Variants in ANKS1B observed in about 807,000 individuals in gnomAD.
ANKS1B encodes the protein ankyrin repeat and sterile alpha motif domain-containing protein 1B.
In ANKS1B, 36 loss-of-function variants were observed where a neutral mutation model predicts 148.3. The ratio of observed to expected loss-of-function variants is 0.24; its 90% CI spans 0.19 to 0.32. The LOEUF (loss-of-function observed/expected upper bound fraction) is 0.32, where lower values mean the gene tolerates loss of function less well. Ranked by LOEUF, ANKS1B falls within the 10% of genes least tolerant of loss-of-function variation. ANKS1B has a pLI of 1.00. For missense variants in ANKS1B, 1,157 were observed against 1,542.6 expected (o/e 0.75, Z 4.19); for synonymous variants, 542 against 560.8 (o/e 0.97, Z 0.47).
At chr12:99,181,478 T>G (rs1320947514) in intron 14 of ANKS1B, among the ~76,000 whole-genome samples, 1 of 152,172 alleles carries the variant, frequency 6.6e-6, no homozygotes, top group African/African-American at 2.4e-5. Flanking sequence ...ACAAAAGTAT[T>G]TTTCTTTAGT....
At chr12:99,360,357 A>C (rs2092367724) in intron 12 of ANKS1B, among the ~76,000 whole-genome samples, 1 of 152,162 alleles carries the variant, frequency 6.6e-6, no homozygotes, top group Non-Finnish European at 1.5e-5. Flanking sequence ...CTTGTACATA[A>C]AAAGAACCAG....
chr12:99,231,170 G>A (rs1284494004), intron 14 of ANKS1B, among the ~76,000 whole-genome samples: 2 of 152,014 alleles, frequency 1.3e-5, no homozygotes, highest in African/African-American at 4.8e-5. Context: ...ATATGTTCAG[G>A]GCTATGACTC....
At chr12:99,302,066 C>T (rs535647208) in intron 12 of ANKS1B, among the ~76,000 whole-genome samples, 6 of 152,248 alleles carry the variant, frequency 3.9e-5, no homozygotes, top group Non-Finnish European at 7.4e-5. Flanking sequence ...CAGTTCTTAA[C>T]TTGGCCTGTC....
intron 14 of ANKS1B, among the ~76,000 whole-genome samples, chr12:99,156,823 G>A (rs989632323): frequency 6.6e-6 from 1 of 152,148 alleles, no homozygotes; most frequent in Non-Finnish European, 1.5e-5. Flanking sequence ...CAGGCAATAT[G>A]CTTTGCTAAT....
At chr12:99,375,305 G>A (rs2093346286) in intron 12 of ANKS1B, among the ~76,000 whole-genome samples, 1 of 152,218 alleles carries the variant, frequency 6.6e-6, no homozygotes, top group South Asian at 2.1e-4. Context: ...GGGAGGAAGG[G>A]GTAAAATCAC....
intron 17 of ANKS1B, among the ~76,000 whole-genome samples, chr12:99,049,477 T>C (rs1365745032): frequency 6.6e-6 from 1 of 152,198 alleles, no homozygotes; most frequent in African/African-American, 2.4e-5. Flanking sequence ...CATAGGATGA[T>C]AGCTCTACTG....
At chr12:99,553,954 G>C (rs2097250999) in intron 9 of ANKS1B, among the ~76,000 whole-genome samples, 1 of 152,094 alleles carries the variant, frequency 6.6e-6, no homozygotes, top group Non-Finnish European at 1.5e-5. Context: ...GGGACTTTTT[G>C]GACAATTGAG....
chr12:99,164,642 T>C (rs2077024871), intron 14 of ANKS1B, among the ~76,000 whole-genome samples: 1 of 152,110 alleles, frequency 6.6e-6, no homozygotes, highest in African/African-American at 2.4e-5. Flanking sequence ...CATACTCCAG[T>C]AAAATTAGAC....
intron 13 of ANKS1B, among the ~76,000 whole-genome samples, chr12:99,244,803 A>C (rs1396416648): frequency 1.3e-5 from 2 of 152,148 alleles, no homozygotes; most frequent in Non-Finnish European, 2.9e-5. Flanking sequence ...CATCCCATCT[A>C]ACTGGTAAAG....
chr12:98,894,441 C>A (rs961960340), intron 17 of ANKS1B, among the ~76,000 whole-genome samples: 8 of 152,178 alleles, frequency 5.3e-5, no homozygotes, highest in African/African-American at 1.9e-4. Context: ...AAAAGCCCCC[C>A]TCCCGCCCCC....
intron 11 of ANKS1B, among the ~76,000 whole-genome samples, chr12:99,411,171 C>T (rs796939070): frequency 6.6e-6 from 1 of 152,088 alleles, no homozygotes; most frequent in Non-Finnish European, 1.5e-5. Flanking sequence ...TCCCATAAAC[C>T]GCCTTACAAA....
intron 10 of ANKS1B, among the ~76,000 whole-genome samples, chr12:99,504,144 A>G (rs1032939488): frequency 2.0e-5 from 3 of 152,204 alleles, no homozygotes; most frequent in Non-Finnish European, 4.4e-5. Flanking sequence ...AGAAAATGAT[A>G]CAAAAATTGC....
intron 14 of ANKS1B, among the ~76,000 whole-genome samples, chr12:99,156,111 T>C (rs1400371568): frequency 6.6e-6 from 1 of 152,158 alleles, no homozygotes; most frequent in Non-Finnish European, 1.5e-5. Flanking sequence ...TTCCTTTCTC[T>C]TTTTAAGGGC....
At chr12:99,889,387 C>T (rs2092986846) in intron 1 of ANKS1B, among the ~76,000 whole-genome samples, 1 of 152,124 alleles carries the variant, frequency 6.6e-6, no homozygotes, top group South Asian at 2.1e-4. Flanking sequence ...CCAGAGCACC[C>T]AGAACATTTA....
intron 17 of ANKS1B, among the ~76,000 whole-genome samples, chr12:99,036,154 A>G (rs890750454): frequency 2.6e-5 from 4 of 152,236 alleles, no homozygotes; most frequent in Non-Finnish European, 5.9e-5. Flanking sequence ...CTGCAGCAGC[A>G]TAAGAAGTCA....
chr12:98,920,217 C>T (rs139692840), intron 17 of ANKS1B, among the ~76,000 whole-genome samples: 9 of 152,306 alleles, frequency 5.9e-5, no homozygotes, highest in African/African-American at 2.2e-4. Flanking sequence ...ACACTATTTG[C>T]TTAGATTGTT....
At chr12:99,104,012 C>A (rs1047611180) in intron 15 of ANKS1B, among the ~76,000 whole-genome samples, 3 of 152,160 alleles carry the variant, frequency 2.0e-5, no homozygotes, top group Admixed American at 6.5e-5. Flanking sequence ...AATGAGAGGG[C>A]TTGAATGACA....
chr12:99,016,516 C>T (rs773083373), intron 17 of ANKS1B, among the ~76,000 whole-genome samples: 3 of 152,028 alleles, frequency 2.0e-5, no homozygotes, highest in African/African-American at 4.8e-5. Flanking sequence ...ATTAACCAGG[C>T]GTGGTGGCAC....
chr12:99,933,841 T>C (rs1603466746), intron 1 of ANKS1B, among the ~76,000 whole-genome samples: 1 of 152,150 alleles, frequency 6.6e-6, no homozygotes, highest in East Asian at 1.9e-4. Context: ...AGGTTTTCCA[T>C]TTTTCCCCAT....
Sources: allele counts gnomAD v4.1 joint callset (sites outside exome capture counted in the v4.1 genomes callset), GRCh38; gene constraint gnomAD v4.1.1; transcripts MANE v1.5; gene names NCBI Gene and HGNC (gene_info 2026-07-23, HGNC 2026-07-21).